Variants in PRKG1 observed in about 807,000 individuals in gnomAD.
PRKG1 encodes the protein cGMP-dependent protein kinase 1.
In PRKG1, 35 loss-of-function variants were observed where a neutral mutation model predicts 88.1. The ratio of observed to expected loss-of-function variants is 0.40; its 90% CI spans 0.30 to 0.53. The LOEUF (loss-of-function observed/expected upper bound fraction) is 0.53, where lower values mean the gene tolerates loss of function less well. Among genes scored for constraint, PRKG1 ranks in the 20% least tolerant of loss-of-function variants. The pLI is 0.59. For synonymous variants in PRKG1, 303 were observed against 292.5 expected (o/e 1.04, Z -0.37); for missense variants, 540 against 839.8 (o/e 0.64, Z 4.41).
In PRKG1 at chr10:51,554,982, T is replaced by A. The variant is rs1426454973; in HGVS notation, c.592+87146T>A. ...AAAAGATACAAAGATGATAGCATTATTGTTAAACATGCTCTTTATGCAGCA... is the reference window on the plus strand; with the variant it reads ...AAAAGATACAAAGATGATAGCATTAATGTTAAACATGCTCTTTATGCAGCA... On this transcript the variant is annotated intron_variant, in intron 3 of 17. Coordinates refer to ENST00000373980, the MANE Select transcript of PRKG1 (RefSeq NM_006258.4). Among the ~76,000 whole-genome samples, 5 of 152,080 alleles carry A rather than the reference T, an allele frequency of 3.3e-5. No individual in the cohort carries two copies. In the East Asian group the frequency reaches 9.7e-4, roughly 29 times the overall value.
chr10:51,198,916 A>G (rs1261553618), intron 2 of PRKG1, among the ~76,000 whole-genome samples: 1 of 152,200 alleles, frequency 6.6e-6, no homozygotes. Flanking sequence ...CAAAAATATC[A>G]AGAATCATTT....
At chr10:51,103,079 T>C (rs567670300) in intron 1 of PRKG1, among the ~76,000 whole-genome samples, 4 of 152,074 alleles carry the variant, frequency 2.6e-5, no homozygotes, top group Admixed American at 2.6e-4. Flanking sequence ...TCAATTAAGA[T>C]ATGGAATTGA....
At chr10:51,672,406 G>A (rs1268390968) in intron 3 of PRKG1, among the ~76,000 whole-genome samples, 1 of 151,394 alleles carries the variant, frequency 6.6e-6, no homozygotes, top group South Asian at 2.1e-4. Context: ...TATAATTTTT[G>A]TGATTATACT....
chr10:51,160,835 T>C (rs1356273825), intron 2 of PRKG1, among the ~76,000 whole-genome samples: 2 of 151,946 alleles, frequency 1.3e-5, no homozygotes, highest in Non-Finnish European at 2.9e-5. Context: ...GCTTTTTGTA[T>C]GTTTTTAAAG....
chr10:51,301,442 G>A (rs944293227), intron 2 of PRKG1, among the ~76,000 whole-genome samples: 1 of 151,024 alleles, frequency 6.6e-6, no homozygotes, highest in Non-Finnish European at 1.5e-5. Context: ...CTGAAGTAGG[G>A]GAAAAAATAT....
intron 2 of PRKG1, among the ~76,000 whole-genome samples, chr10:51,421,876 TA>T (rs1294486573): frequency 6.6e-6 from 1 of 152,194 alleles, no homozygotes; most frequent in Non-Finnish European, 1.5e-5. Flanking sequence ...TACTTACTGC[TA>T]TATTGATACT....
At chr10:51,126,249 AAT>A (rs1467559740) in intron 1 of PRKG1, among the ~76,000 whole-genome samples, 146 of 8,134 alleles carry the variant, frequency 0.018, no homozygotes, top group African/African-American at 0.023. Context: ...ATATATTTAT[AAT>A]TATTTATATA....
intron 5 of PRKG1, among the ~76,000 whole-genome samples, chr10:51,927,615 T>TGAAA (rs1842607350): frequency 4.6e-5 from 7 of 151,850 alleles, no homozygotes; most frequent in Non-Finnish European, 1.5e-5. Flanking sequence ...TGCTATAGAG[T>TGAAA]CCCACTTTAT....
intron 7 of PRKG1, among the ~76,000 whole-genome samples, chr10:52,088,923 T>C (rs1846982718): frequency 6.6e-6 from 1 of 152,172 alleles, no homozygotes; most frequent in Non-Finnish European, 1.5e-5. Context: ...ATTCAATCCA[T>C]AGATCATATT....
intron 4 of PRKG1, among the ~76,000 whole-genome samples, chr10:51,817,942 AAAC>A (rs1302983712): frequency 6.6e-6 from 1 of 152,202 alleles, no homozygotes; most frequent in Non-Finnish European, 1.5e-5. Context: ...ACTTATGTAT[AAAC>A]AACAAGTAAT....
intron 2 of PRKG1, among the ~76,000 whole-genome samples, chr10:51,280,624 A>G (rs922704446): frequency 2.0e-5 from 3 of 152,140 alleles, no homozygotes; most frequent in African/African-American, 7.2e-5. Flanking sequence ...TTGATCTTCC[A>G]TCACTGATAC....
chr10:51,982,677 A>T (rs1317997855), intron 5 of PRKG1, among the ~76,000 whole-genome samples: 3 of 151,858 alleles, frequency 2.0e-5, no homozygotes, highest in Admixed American at 6.6e-5. Flanking sequence ...TTAGGAATCC[A>T]TTGTGCTGGG....
intron 9 of PRKG1, among the ~76,000 whole-genome samples, chr10:52,233,831 C>G (rs895075518): frequency 1.3e-5 from 2 of 152,098 alleles, no homozygotes; most frequent in South Asian, 2.1e-4. Flanking sequence ...GGAGGCCTGC[C>G]TGCCACTGTA....
At chr10:51,515,440 T>C (rs1841550112) in intron 3 of PRKG1, among the ~76,000 whole-genome samples, 1 of 152,200 alleles carries the variant, frequency 6.6e-6, no homozygotes, top group African/African-American at 2.4e-5. Flanking sequence ...TAATTCATGG[T>C]TGTGTCTAGT....
At chr10:51,174,844 C>G (rs10995907) in intron 2 of PRKG1, among the ~76,000 whole-genome samples, 11,171 of 152,010 alleles carry the variant, frequency 0.073, 519 homozygotes, top group East Asian at 0.11. Context: ...CCCTTCAAGT[C>G]TCACCTTTGA....
intron 3 of PRKG1, among the ~76,000 whole-genome samples, chr10:51,509,375 A>C (rs954203226): frequency 2.0e-5 from 3 of 152,230 alleles, no homozygotes; most frequent in African/African-American, 7.2e-5. Flanking sequence ...ACACAAATTC[A>C]AGTCTCAATT....
At chr10:52,130,337 T>C (rs1346625470) in intron 7 of PRKG1, among the ~76,000 whole-genome samples, 25 of 152,220 alleles carry the variant, frequency 1.6e-4, no homozygotes, top group Non-Finnish European at 2.9e-5. Flanking sequence ...TACCAATGCA[T>C]CTTCTTTTTG....
In PRKG1 at chr10:51,144,337, TCTAC is replaced by T. The variant is rs537483366; in HGVS notation, c.312-8824_312-8821del. Among the ~76,000 whole-genome samples the T allele has an allele frequency of 7.2e-5, 11 of 152,244 alleles. No homozygotes were observed. The South Asian group carries it at 2.3e-3, about 32-fold the overall frequency. ...AACAGATTTATCTTTAAATCCTGAC[TCTAC>T]CTGTCACTTACTATTGTGCAACATT... On this transcript the variant is annotated intron_variant, in intron 1 of 17. Transcript: ENST00000373980.
intron 2 of PRKG1, among the ~76,000 whole-genome samples, chr10:51,158,077 C>G (rs1039118696): frequency 6.6e-6 from 1 of 151,834 alleles, no homozygotes; most frequent in African/African-American, 2.4e-5. Flanking sequence ...ATTGTCTGTA[C>G]TCATCCTACA....
Sources: allele counts gnomAD v4.1 joint callset (sites outside exome capture counted in the v4.1 genomes callset), GRCh38; gene constraint gnomAD v4.1.1; transcripts MANE v1.5; gene names NCBI Gene and HGNC (gene_info 2026-07-23, HGNC 2026-07-21).